The following HLA-DPB1 variants were observed in gnomAD, a reference collection of about 807,000 sequenced individuals.
HLA-DPB1 encodes HLA class II histocompatibility antigen, DP beta 1 chain.
HLA-DPB1 carries 30 observed loss-of-function variants against 29.4 expected under a neutral mutation model. The ratio of observed to expected loss-of-function variants is 1.02; its 90% CI spans 0.76 to 1.38. The LOEUF (loss-of-function observed/expected upper bound fraction) is 1.38. HLA-DPB1 is among the 40% of genes most tolerant of loss of function. The pLI is 0.00. For missense variants in HLA-DPB1, 261 were observed against 327.5 expected, an observed-to-expected ratio of 0.80 and a Z score of 1.57; for synonymous variants, 114 against 134.0, an observed-to-expected ratio of 0.85 and a Z score of 1.03.
At chr6:33,078,917 AG>A (rs1416477894) in intron 1 of HLA-DPB1, among the ~76,000 whole-genome samples, 1 of 152,178 alleles carries the variant, frequency 6.6e-6, no homozygotes, top group African/African-American at 2.4e-5. Flanking sequence ...ATGGCAGAGG[AG>A]GAGGAATCTG....
Position 33,085,170 on chromosome 6 carries a change from A to T in HLA-DPB1, c.585A>T (p.Gly195=). 1 of 1,613,318 alleles carries T rather than the reference A, an allele frequency of 6.2e-7. No individual in the cohort carries two copies. Among genetic ancestry groups the T allele is most frequent in the East Asian group, 2.2e-5 (1 of 44,852 alleles). ...TGCTGGAAATGACCCCCCAGCAGGGAGATGTCTACACCTGCCAAGTGGAGC... is the reference window on the plus strand; with the variant it reads ...TGCTGGAAATGACCCCCCAGCAGGGTGATGTCTACACCTGCCAAGTGGAGC... The part of the protein sequence containing the change: ...LVMLEMTPQQ[G]DVYTCQVEHT... The change falls in exon 3 of 6, where the codon GGA becomes GGT. Residue 195 remains glycine (G), a synonymous_variant. Transcript: ENST00000418931.
chr6:33,085,363 G>A, intron 3 of HLA-DPB1, 132 bp downstream of exon 3: 1 of 785,630 alleles, frequency 1.3e-6, no homozygotes. Flanking sequence ...TTCTATACCA[G>A]CTCCTGAGCA....
chr6:33,087,628 G>C lies in HLA-DPB1; in HGVS notation c.*1094G>C, dbSNP rs1343520943. ...TTCTTACAAGCATCTTCTGGGCCTT[G>C]TGTGTCCCTGGGCACCTGTCCCTGG... is the stretch of plus-strand genomic sequence containing the variant. On this transcript the variant is annotated 3_prime_UTR_variant, in exon 6 of 6. Transcript: ENST00000418931. 6.6e-6 allele frequency among the ~76,000 whole-genome samples: 1 copy of C among 152,164 alleles called. No homozygotes were observed. Among genetic ancestry groups the C allele is most frequent in the Admixed American group, 6.5e-5 (1 of 15,280 alleles).
intron 2 of HLA-DPB1, 170 bp downstream of exon 2, chr6:33,081,105 G>A: frequency 2.6e-6 from 2 of 763,668 alleles, no homozygotes; most frequent in Non-Finnish European, 4.1e-6. Flanking sequence ...GAGCGAGCGC[G>A]GGGACCTGGA....
intron 2 of HLA-DPB1, among the ~76,000 whole-genome samples, chr6:33,084,662 A>G (rs9277444): frequency 0.38 from 57,446 of 151,416 alleles, 12,314 homozygotes; most frequent in East Asian, 0.64. Context: ...AGCCAGGTGA[A>G]GTGGCAGGCA....
At chr6:33,086,269 T>G (rs9277493) in intron 5 of HLA-DPB1, 27 bp downstream of exon 5, 399,138 of 1,447,724 alleles carry the variant, frequency 0.28, 65,936 homozygotes, top group East Asian at 0.59. Flanking sequence ...GATTTCCTTG[T>G]GGGGTGGGTT....
chr6:33,086,042 G>A lies in HLA-DPB1; in HGVS notation c.757+153G>A, dbSNP rs1763083753. 6.4e-6 allele frequency: 5 copies of A among 778,678 alleles called. No individual in the cohort carries two copies. The South Asian group carries it at 8.3e-5, about 13-fold the overall frequency. The allele number at this position is 778,678 out of a possible 1,614,324, so 48.2% of individuals were successfully genotyped here. ...GGAACAAACATGACCTATAGCGAGA[G>A]AGGGATCCCAGGCTGGGATCTTAAT... On this transcript the variant is annotated intron_variant, in intron 4 of 5. Transcript: ENST00000418931.
chr6:33,076,457 G>A (rs1253089183), intron 1 of HLA-DPB1, among the ~76,000 whole-genome samples: 1 of 152,192 alleles, frequency 6.6e-6, no homozygotes, highest in African/African-American at 2.4e-5. Flanking sequence ...AAGTTGGCAA[G>A]TGCAGGCTCC....
At chr6:33,076,182 G>A (rs763555130) in intron 1 of HLA-DPB1, 41 bp downstream of exon 1, 1 of 1,363,238 alleles carries the variant, frequency 7.3e-7, no homozygotes, top group Admixed American at 1.9e-5. Flanking sequence ...CTGGCTCAGG[G>A]AACAATTCCT....
At chr6:33,083,188 G>C (rs1042244638) in intron 2 of HLA-DPB1, among the ~76,000 whole-genome samples, 2 of 152,210 alleles carry the variant, frequency 1.3e-5, no homozygotes, top group African/African-American at 4.8e-5. Flanking sequence ...ATGTGGATCA[G>C]TCTGAAAACA....
intron 2 of HLA-DPB1, chr6:33,084,139 C>A (rs1273952322): frequency 1.3e-5 from 2 of 148,486 alleles, no homozygotes; most frequent in African/African-American, 5.1e-5. Context: ...GATTCACAGG[C>A]CACCATAATG....
intron 2 of HLA-DPB1, among the ~76,000 whole-genome samples, chr6:33,084,693 G>T (rs1763014978): frequency 6.6e-6 from 1 of 151,978 alleles, no homozygotes; most frequent in Non-Finnish European, 1.5e-5. Flanking sequence ...CAGCTATTCG[G>T]GAGGCTGAGG....
At chr6:33,086,173 G>A (rs750470864) in intron 4 of HLA-DPB1, 46 bp from the exon 5 acceptor site, 2 of 1,463,206 alleles carry the variant, frequency 1.4e-6, no homozygotes, top group South Asian at 1.1e-5. Flanking sequence ...AATTATCTGA[G>A]GTGGTTTCAA....
chr6:33,088,559 G>A lies in HLA-DPB1; in HGVS notation c.*2025G>A, dbSNP rs1319745154. Among the ~76,000 whole-genome samples the A allele has an allele frequency of 6.6e-6, 1 of 152,204 alleles. No homozygotes were observed. Among genetic ancestry groups the A allele is most frequent in the African/African-American group, 2.4e-5 (1 of 41,448 alleles). On this transcript the variant is annotated 3_prime_UTR_variant, in exon 6 of 6. Coordinates refer to ENST00000418931, the MANE Select transcript of HLA-DPB1 (RefSeq NM_002121.6). ...GTTTATGAAACTCTGGGATTTCTAA[G>A]GAAGGATGCAGTGCAGAGACAGGTC...
intron 2 of HLA-DPB1, chr6:33,081,370 G>T (rs138061591): frequency 1.7e-5 from 3 of 180,586 alleles, no homozygotes; most frequent in Admixed American, 6.0e-5. Context: ...TCTGCAGCCG[G>T]GGAGGAGACT....
At chr6:33,084,351 C>T (rs9277433) in intron 2 of HLA-DPB1, among the ~76,000 whole-genome samples, 57,784 of 151,900 alleles carry the variant, frequency 0.38, 12,445 homozygotes, top group East Asian at 0.64. Flanking sequence ...TACTTACTAA[C>T]TATTATTTTA....
rs868865442 is a variant in HLA-DPB1, at chr6:33,085,860, G to A, written c.728G>A (p.Gly243Asp). 6.2e-7 allele frequency: 1 copy of A among 1,613,244 alleles called. No homozygotes were observed. Among genetic ancestry groups the A allele is most frequent in the Non-Finnish European group, 8.5e-7 (1 of 1,179,458 alleles). ...CTGGGGCTCATCATCTGTGGAGTGG[G>A]CATCTTCATGCACAGGAGGAGCAAG... ...FVLGLIICGV[G>D]IFMHRRSKKV... The change falls in exon 4 of 6, where the codon GGC (glycine) becomes GAC (aspartate). Residue 243 changes from glycine (G) to aspartate (D), a missense_variant. Coordinates refer to ENST00000418931, the MANE Select transcript of HLA-DPB1 (RefSeq NM_002121.6).
chr6:33,080,657 G>A lies in HLA-DPB1; in HGVS notation c.101-15G>A, dbSNP rs771502887. The A allele has an allele frequency of 4.3e-6, 7 of 1,612,002 alleles. No individual in the cohort carries two copies. Among genetic ancestry groups the A allele is most frequent in the Non-Finnish European group, 5.9e-6 (7 of 1,179,084 alleles). On this transcript the variant is annotated splice_polypyrimidine_tract_variant and intron_variant, in intron 1 of 5. Coordinates refer to ENST00000418931, the MANE Select transcript of HLA-DPB1 (RefSeq NM_002121.6). The surrounding 1 kb of genome is among the most constrained non-coding windows in gnomAD (Gnocchi z 4.3). The stretch of plus-strand genomic sequence containing the variant: ...GAGAGTGGCGCCTCCGCTCATGTCC[G>A]CCCCCTCCCCGCAGAGAATTACCTT...
intron 2 of HLA-DPB1, among the ~76,000 whole-genome samples, chr6:33,083,112 G>A (rs1242496160): frequency 6.6e-6 from 1 of 152,172 alleles, no homozygotes; most frequent in South Asian, 2.1e-4. Flanking sequence ...TGAGTTAACC[G>A]AGGTAATGAA....
Sources: allele counts gnomAD v4.1 joint callset (sites outside exome capture counted in the v4.1 genomes callset), GRCh38; gene constraint gnomAD v4.1.1; non-coding constraint Gnocchi (gnomAD v3.1); transcripts MANE v1.5; gene names NCBI Gene and HGNC (gene_info 2026-07-23, HGNC 2026-07-21).